Variants in HERPUD1 observed in about 807,000 individuals in gnomAD.
HERPUD1 encodes homocysteine-responsive endoplasmic reticulum-resident ubiquitin-like domain member 1 protein.
HERPUD1 carries 17 observed loss-of-function variants against 45.0 expected under a neutral mutation model. The ratio of observed to expected loss-of-function variants is 0.38; its 90% CI spans 0.26 to 0.57. The LOEUF is 0.57. HERPUD1 is among the 20% of genes least tolerant of loss of function. HERPUD1 has a pLI of 0.72. For synonymous variants in HERPUD1, 164 were observed against 177.5 expected, an observed-to-expected ratio of 0.92 and a Z score of 0.61; for missense variants, 420 against 490.5, an observed-to-expected ratio of 0.86 and a Z score of 1.36.
Position 56,936,712 on chromosome 16 carries a change from C to T in HERPUD1, c.326C>T (p.Ala109Val). The T allele has an allele frequency of 6.2e-7, 1 of 1,613,584 alleles. No individual in the cohort carries two copies. Among genetic ancestry groups the T allele is most frequent in the Non-Finnish European group, 8.5e-7 (1 of 1,179,698 alleles). The part of the protein sequence containing the change: ...AKVAESTEEP[A>V]GSNRGQYPED... ...GTGGCTGAATCCACAGAGGAGCCTG[C>T]TGGTTCTAATCGGGGACAGTATCCT... The change falls in exon 4 of 8, where the codon GCT (alanine) becomes GTT (valine). Residue 109 changes from alanine (A) to valine (V), a missense_variant. Transcript: ENST00000439977.
intron 4 of HERPUD1, chr16:56,937,040 G>GA (rs113309114): frequency 0.021 from 6,223 of 301,962 alleles, 58 homozygotes; most frequent in African/African-American, 0.055. Flanking sequence ...TGCATATATT[G>GA]AAAAAAAAAA....
Position 56,940,094 on chromosome 16 carries a change from C to G in HERPUD1, c.754C>G (p.Pro252Ala). 4 of 1,614,108 alleles carry G rather than the reference C, an allele frequency of 2.5e-6. No individual in the cohort carries two copies. Among genetic ancestry groups the G allele is most frequent in the Non-Finnish European group, 3.4e-6 (4 of 1,180,022 alleles). ...QNLRMNAQGG[P>A]IVEEDDEINR... is the part of the protein sequence containing the mutation. ...TTTGCGGATGAATGCACAAGGTGGC[C>G]CTATTGTGGAAGAAGATGATGAAAT... Residue 252 changes from proline to alanine, a missense_variant, in exon 6 of 8, where the codon CCT becomes GCT. Transcript: ENST00000439977.
intron 4 of HERPUD1, 127 bp from the exon 5 acceptor site, chr16:56,939,110 A>G: frequency 9.7e-7 from 1 of 1,027,946 alleles, no homozygotes; most frequent in Non-Finnish European, 1.4e-6. Context: ...GTCATTTACC[A>G]TGTAACTGCC....
At chr16:56,942,505 C>T (rs1481471310) in intron 7 of HERPUD1, among the ~76,000 whole-genome samples, 1 of 152,194 alleles carries the variant, frequency 6.6e-6, no homozygotes, top group African/African-American at 2.4e-5. Flanking sequence ...GTTCAGTGGT[C>T]TGTAACAGTG....
At chr16:56,934,500 C>T (rs1191906989) in intron 1 of HERPUD1, among the ~76,000 whole-genome samples, 8 of 152,048 alleles carry the variant, frequency 5.3e-5, no homozygotes, top group Admixed American at 3.3e-4. Flanking sequence ...TCTGTGAAGG[C>T]TTCAGTTTAG....
chr16:56,939,995 T>G lies in HERPUD1; in HGVS notation c.655T>G (p.Phe219Val). 6.2e-7 allele frequency: 1 copy of G among 1,614,176 alleles called. No individual in the cohort carries two copies. The highest frequency in any genetic ancestry group is 8.5e-7 in the Non-Finnish European group (1 of 1,180,026). The change falls in exon 6 of 8, where the codon TTT becomes GTT. Residue 219 changes from phenylalanine (F) to valine (V), a missense_variant. By Grantham distance (50) the Phe-to-Val change is conservative (BLOSUM62 -1). Transcript: ENST00000439977. ...APAPAPIHNQ[F>V]PAENQPANQN... Reference sequence around the variant, plus strand: ...TGCTCCAGCCCCTATTCACAACCAGTTTCCAGCTGAAAACCAGCCTGCCAA... The same window carrying G: ...TGCTCCAGCCCCTATTCACAACCAGGTTCCAGCTGAAAACCAGCCTGCCAA...
intron 1 of HERPUD1, among the ~76,000 whole-genome samples, chr16:56,933,796 C>A (rs2055844727): frequency 6.6e-6 from 1 of 152,140 alleles, no homozygotes; most frequent in African/African-American, 2.4e-5. Flanking sequence ...TCAAGTTAGG[C>A]CTTTAAAAGG....
rs995910437 is a variant in HERPUD1, at chr16:56,936,912, G to C, written c.431+95G>C. On this transcript the variant is annotated intron_variant, in intron 4 of 7. Coordinates refer to ENST00000439977, the MANE Select transcript of HERPUD1 (RefSeq NM_014685.4). ...AGGTATGTTTACACGTATATAATCA[G>C]AACTTTTAAACATACAGAATTTTGC... is the stretch of plus-strand genomic sequence containing the variant. The C allele has an allele frequency of 1.3e-5, 17 of 1,345,298 alleles. No homozygotes were observed. In the African/African-American group the frequency reaches 2.5e-4, roughly 20 times the overall value. 83.3% of individuals were successfully genotyped at this position (1,345,298 alleles called of 1,614,324 possible). A position where few individuals can be genotyped will look rare whatever the true frequency, so the allele number is the denominator to read the frequency against.
At chr16:56,933,302 A>G in intron 1 of HERPUD1, 1 of 456,054 alleles carries the variant, frequency 2.2e-6, no homozygotes, top group Admixed American at 2.3e-5. Context: ...CATATGGTCA[A>G]GAATGTTTTA....
chr16:56,938,013 C>G (rs1365972662), intron 4 of HERPUD1, among the ~76,000 whole-genome samples: 1 of 152,124 alleles, frequency 6.6e-6, no homozygotes, highest in African/African-American at 2.4e-5. Flanking sequence ...ATTTGACTCT[C>G]TGAATCTCAC....
At chr16:56,933,671 C>G (rs1202871768) in intron 1 of HERPUD1, among the ~76,000 whole-genome samples, 1 of 152,218 alleles carries the variant, frequency 6.6e-6, no homozygotes, top group South Asian at 2.1e-4. Flanking sequence ...CTGAAACATA[C>G]TTATCATTTG....
chr16:56,936,584 G>A (rs772933541), intron 3 of HERPUD1, 103 bp from the exon 4 acceptor site: 3 of 1,043,784 alleles, frequency 2.9e-6, no homozygotes, highest in South Asian at 2.9e-5. Flanking sequence ...TCAGAGGTGG[G>A]GGGTAGGAGA....
intron 7 of HERPUD1, 140 bp downstream of exon 7, chr16:56,942,377 A>G (rs899877037): frequency 2.6e-5 from 16 of 609,728 alleles, no homozygotes; most frequent in African/African-American, 2.2e-4. Flanking sequence ...TTCTTCTTAG[A>G]GCAGCAGCTA....
At chr16:56,941,073 T>G (rs1331535663) in intron 6 of HERPUD1, 1 of 152,210 alleles carries the variant, frequency 6.6e-6, no homozygotes. Context: ...GAATATTATC[T>G]TGTCCTCTAG....
intron 1 of HERPUD1, among the ~76,000 whole-genome samples, chr16:56,933,761 C>T (rs543027772): frequency 1.3e-5 from 2 of 152,312 alleles, no homozygotes; most frequent in East Asian, 3.8e-4. Context: ...TTTTTCAAAT[C>T]AGCCATCTGT....
At position 56,932,173 on chromosome 16, in the gene HERPUD1, T is replaced by G; in HGVS notation, c.-72T>G. The G allele has an allele frequency of 6.4e-7, 1 of 1,568,104 alleles. No individual in the cohort carries two copies. Among genetic ancestry groups the G allele is most frequent in the African/African-American group, 1.3e-5 (1 of 74,360 alleles). ...GAGACGTGAACTGTCGTTGCAGAGA[T>G]TGCGGGCGGCTGAGACGCCGCCTGC... On this transcript the variant is annotated 5_prime_UTR_variant, in exon 1 of 8. Coordinates refer to ENST00000439977, the MANE Select transcript of HERPUD1 (RefSeq NM_014685.4).
At chr16:56,937,938 GA>G (rs1159017262) in intron 4 of HERPUD1, among the ~76,000 whole-genome samples, 2 of 151,896 alleles carry the variant, frequency 1.3e-5, no homozygotes, top group East Asian at 1.9e-4. Context: ...TTATTGGTTA[GA>G]AAAACTTAAA....
chr16:56,944,333 G>A lies in HERPUD1; in HGVS notation c.*1043G>A, dbSNP rs2055934854. ...AAATTTAAATTTAGTAAATTTAGTG[G>A]TTTCACCTTGGCAAATCTGCAATAG... On this transcript the variant is annotated 3_prime_UTR_variant, in exon 8 of 8. Coordinates refer to ENST00000439977, the MANE Select transcript of HERPUD1 (RefSeq NM_014685.4). 6.6e-6 allele frequency: 1 copy of A among 152,110 alleles called. No individual in the cohort carries two copies. Among genetic ancestry groups the A allele is most frequent in the South Asian group, 2.1e-4 (1 of 4,826 alleles). 9.4% of individuals were successfully genotyped at this position (152,110 alleles called of 1,614,324 possible).
chr16:56,936,487 A>C, intron 3 of HERPUD1, 200 bp from the exon 4 acceptor site: 1 of 359,026 alleles, frequency 2.8e-6, no homozygotes, highest in Non-Finnish European at 4.9e-6. Flanking sequence ...AAATATGAAT[A>C]TTTTAGCATC....
Sources: gnomAD v4.1 joint callset for allele counts (sites outside exome capture counted in the v4.1 genomes callset) on GRCh38, gnomAD v4.1.1 for gene constraint, MANE v1.5 for transcripts, NCBI Gene and HGNC (gene_info 2026-07-23, HGNC 2026-07-21) for gene names.